The following KCNK12 variants were observed in gnomAD, a reference collection of about 807,000 sequenced individuals.
KCNK12 encodes potassium channel subfamily K member 12.
A neutral mutation model predicts 25.3 loss-of-function variants in KCNK12; 6 were observed. The observed-to-expected ratio is 0.24, with a 90% CI of 0.13 to 0.47. The LOEUF is 0.47. KCNK12 is among the 20% of genes least tolerant of loss of function. The pLI, the probability that KCNK12 is intolerant of heterozygous loss-of-function variation, is 0.99. For synonymous variants in KCNK12, 331 were observed against 311.1 expected, an observed-to-expected ratio of 1.06 and a Z score of -0.67; for missense variants, 444 against 661.7, an observed-to-expected ratio of 0.67 and a Z score of 3.61.
Position 47,570,499 on chromosome 2 carries a change from G to T in KCNK12, c.-168C>A. On this transcript the variant is annotated 5_prime_UTR_variant, in exon 1 of 2. Coordinates refer to ENST00000327876, the MANE Select transcript of KCNK12 (RefSeq NM_022055.2). ...TCGCCTTCCCAGAGCCCGGACAGAG[G>T]GGCGCCTCCGCCTCCTCCCCGGCGC... 1 of 639,734 alleles carries T rather than the reference G, an allele frequency of 1.6e-6. No individual in the cohort carries two copies. The highest frequency in any genetic ancestry group is 2.2e-6 in the Non-Finnish European group (1 of 463,824). 39.6% of individuals were successfully genotyped at this position (639,734 alleles called of 1,614,324 possible). A position where few individuals can be genotyped will look rare whatever the true frequency, so the allele number is the denominator to read the frequency against.
At chr2:47,567,231 A>G (rs1376589843) in intron 1 of KCNK12, 1 of 152,240 alleles carries the variant, frequency 6.6e-6, no homozygotes, top group Non-Finnish European at 1.5e-5. Flanking sequence ...TGAACCATAT[A>G]CACTGTGATA....
At chr2:47,532,961 T>C (rs1668967776) in intron 1 of KCNK12, among the ~76,000 whole-genome samples, 1 of 152,174 alleles carries the variant, frequency 6.6e-6, no homozygotes, top group Non-Finnish European at 1.5e-5. Flanking sequence ...TTCCTTACCT[T>C]CTCGGACCCT....
intron 1 of KCNK12, among the ~76,000 whole-genome samples, chr2:47,539,462 AAACAG>A (rs1669146253): frequency 6.6e-6 from 1 of 152,172 alleles, no homozygotes; most frequent in Non-Finnish European, 1.5e-5. Flanking sequence ...GCTGTGGATC[AAACAG>A]GTGGGGTGGC....
rs564826667 is a variant in KCNK12, at chr2:47,539,775, G to C, written c.392-17967C>G. 9.8e-5 allele frequency among the ~76,000 whole-genome samples: 15 copies of C among 152,328 alleles called. No individual in the cohort carries two copies. In the South Asian group the frequency reaches 3.1e-3, roughly 32 times the overall value. On this transcript the variant is annotated intron_variant, in intron 1 of 1. Transcript: ENST00000327876. ...AAAGGGGAAGAAACGGACGCAGGTA[G>C]GGGTGGCTGCTGTTAAAGCCGCTTC... is the stretch of plus-strand genomic sequence containing the variant.
chr2:47,550,481 C>G (rs898578461), intron 1 of KCNK12, among the ~76,000 whole-genome samples: 1 of 142,282 alleles, frequency 7.0e-6, no homozygotes, highest in Admixed American at 7.2e-5. Flanking sequence ...CTCCCGGGTT[C>G]AAGTGATTCT....
chr2:47,511,963 A>G lies in KCNK12; in HGVS notation c.*8944T>C, dbSNP rs1014698644. On this transcript the variant is annotated 3_prime_UTR_variant, in exon 2 of 2. Coordinates refer to ENST00000327876, the MANE Select transcript of KCNK12 (RefSeq NM_022055.2). The surrounding 1 kb of genome is among the most constrained non-coding windows in gnomAD (Gnocchi z 4.3). ...AGCTGTGTGTGGCTTGTGGCTGCCT[A>G]TTGGACTGTGCAGTTCTGGAGAATG... 6.6e-6 allele frequency among the ~76,000 whole-genome samples: 1 copy of G among 152,234 alleles called. No individual in the cohort carries two copies. Among genetic ancestry groups the G allele is most frequent in the African/African-American group, 2.4e-5 (1 of 41,452 alleles).
intron 1 of KCNK12, chr2:47,564,663 T>C (rs1272996635): frequency 2.2e-5 from 4 of 179,338 alleles, no homozygotes; most frequent in Non-Finnish European, 4.8e-5. Flanking sequence ...AGAGTTGTGT[T>C]AGTGCAGTGG....
chr2:47,559,341 C>G (rs1389105615), intron 1 of KCNK12, among the ~76,000 whole-genome samples: 1 of 152,182 alleles, frequency 6.6e-6, no homozygotes, highest in Non-Finnish European at 1.5e-5. Context: ...AGTGGGGAGC[C>G]CAGCAGGGAG....
intron 1 of KCNK12, among the ~76,000 whole-genome samples, chr2:47,554,073 C>T (rs996467037): frequency 1.3e-5 from 2 of 152,194 alleles, no homozygotes; most frequent in Non-Finnish European, 2.9e-5. Context: ...ATTCTCCCAA[C>T]CACCACATGA....
chr2:47,526,149 C>T (rs1423407712), intron 1 of KCNK12, among the ~76,000 whole-genome samples: 1 of 151,774 alleles, frequency 6.6e-6, no homozygotes, highest in East Asian at 1.9e-4. Flanking sequence ...AATCCCAGCA[C>T]TTTGGGAGGC....
In KCNK12 at chr2:47,551,792, G is replaced by C. The variant is rs920466550; in HGVS notation, c.391+18149C>G. Among the ~76,000 whole-genome samples the C allele has an allele frequency of 2.6e-5, 4 of 152,198 alleles. No homozygotes were observed. Among genetic ancestry groups the C allele is most frequent in the African/African-American group, 9.7e-5 (4 of 41,446 alleles). ...GTTTAAGATTCAGTTCTAGCCACAG[G>C]CTGCACTGTGCATAAATCTAGGGGA... On this transcript the variant is annotated intron_variant, in intron 1 of 1. Transcript: ENST00000327876. This position sits in a 1 kb window ranked among gnomAD's most constrained non-coding sequence, Gnocchi z 5.3.
At chr2:47,539,353 G>A (rs1179119919) in intron 1 of KCNK12, among the ~76,000 whole-genome samples, 1 of 152,186 alleles carries the variant, frequency 6.6e-6, no homozygotes, top group Non-Finnish European at 1.5e-5. Context: ...ATCAAGGACT[G>A]TTTATTAAAA....
At chr2:47,534,630 T>C (rs2104787764) in intron 1 of KCNK12, among the ~76,000 whole-genome samples, 1 of 148,586 alleles carries the variant, frequency 6.7e-6, no homozygotes, top group East Asian at 2.0e-4. Context: ...AAGACGTGAC[T>C]GATGAACCCG....
At position 47,512,482 on chromosome 2, in the gene KCNK12, A is replaced by G; in HGVS notation, c.*8425T>C. On this transcript the variant is annotated 3_prime_UTR_variant, in exon 2 of 2. Coordinates refer to ENST00000327876, the MANE Select transcript of KCNK12 (RefSeq NM_022055.2). ...TTAAGTTTTTCATTTGTAATTCTAC[A>G]AACATCCCTTCTGTAAACATTTCCC... 6.5e-7 allele frequency: 1 copy of G among 1,536,984 alleles called. No individual in the cohort carries two copies. Among genetic ancestry groups the G allele is most frequent in the Non-Finnish European group, 8.8e-7 (1 of 1,139,008 alleles).
Position 47,570,020 on chromosome 2 carries a change from G to T in KCNK12, c.312C>A (p.Gly104=). 1 of 1,425,418 alleles carries T rather than the reference G, an allele frequency of 7.0e-7. No homozygotes were observed. Among genetic ancestry groups the T allele is most frequent in the African/African-American group, 1.5e-5 (1 of 66,442 alleles). 88.3% of individuals were successfully genotyped at this position (1,425,418 alleles called of 1,614,324 possible). A position where few individuals can be genotyped will look rare whatever the true frequency, so the allele number is the denominator to read the frequency against. The change falls in exon 1 of 2, where the codon GGC becomes GGA. Residue 104 remains glycine, a synonymous_variant. Coordinates refer to ENST00000327876, the MANE Select transcript of KCNK12 (RefSeq NM_022055.2). The part of the protein sequence containing the change: ...LRHYEAALAA[G]VRADALRPRW... ...GCGGGCGCAGCGCGTCGGCGCGGAC[G>T]CCGGCGGCCAGCGCGGCCTCGTAGT...
At position 47,547,642 on chromosome 2, in the gene KCNK12, GGCTGGA is replaced by G. The variant is rs1669341941; in HGVS notation, c.391+22293_391+22298del. 6.6e-6 allele frequency among the ~76,000 whole-genome samples: 1 copy of G among 152,054 alleles called. No individual in the cohort carries two copies. Among genetic ancestry groups the G allele is most frequent in the Non-Finnish European group, 1.5e-5 (1 of 68,022 alleles). ...AGATGGAGTCTCATTCTGTCACCCA[GGCTGGA>G]GTGCAGTACCATGATCTTGACTCAC... is the stretch of plus-strand genomic sequence containing the variant. On this transcript the variant is annotated intron_variant, in intron 1 of 1. Transcript: ENST00000327876. This position sits in a 1 kb window ranked among gnomAD's most constrained non-coding sequence, Gnocchi z 5.0.
intron 1 of KCNK12, among the ~76,000 whole-genome samples, chr2:47,568,797 A>G (rs1026943092): frequency 2.6e-5 from 4 of 152,236 alleles, no homozygotes; most frequent in Non-Finnish European, 4.4e-5. Context: ...TAGGGTGACT[A>G]GAGGTGTGAC....
chr2:47,552,727 C>T (rs1191781284), intron 1 of KCNK12, among the ~76,000 whole-genome samples: 1 of 152,018 alleles, frequency 6.6e-6, no homozygotes. Flanking sequence ...GGGATCGCAC[C>T]ACTCCACTCC....
In KCNK12 at chr2:47,521,420, C is replaced by T. The variant is rs369654762; in HGVS notation, c.780G>A (p.Gly260=). The T allele has an allele frequency of 1.1e-5, 18 of 1,613,548 alleles. No homozygotes were observed. The highest frequency in any genetic ancestry group is 2.2e-5 in the South Asian group (2 of 90,964). Residue 260 remains glycine (G), a synonymous_variant, in exon 2 of 2, where the codon GGG becomes GGA. Coordinates refer to ENST00000327876, the MANE Select transcript of KCNK12 (RefSeq NM_022055.2). ...CGGCGTGCTGGCTGCTCACCAGGTC[C>T]CCGAAGCCGATGGTGCTGAAGGTGA... ...CFVTFSTIGF[G]DLVSSQHAAY...
Sources: allele counts gnomAD v4.1 joint callset (sites outside exome capture counted in the v4.1 genomes callset), GRCh38; gene constraint gnomAD v4.1.1; non-coding constraint Gnocchi (gnomAD v3.1); transcripts MANE v1.5; gene names NCBI Gene and HGNC (gene_info 2026-07-23, HGNC 2026-07-21).